The following PCDHGA8 variants were observed in gnomAD, a reference collection of about 807,000 sequenced individuals.
PCDHGA8 encodes the protein protocadherin gamma-A8.
PCDHGA8 carries 45 observed loss-of-function variants against 59.2 expected under a neutral mutation model. The observed-to-expected ratio is 0.76, with a 90% CI of 0.60 to 0.98. The LOEUF (loss-of-function observed/expected upper bound fraction) is 0.98. Among genes scored for constraint, PCDHGA8 ranks in the 50% least tolerant of loss-of-function variants. The pLI, the probability that PCDHGA8 is intolerant of heterozygous loss-of-function variation, is 0.00. For synonymous variants in PCDHGA8, 531 were observed against 519.0 expected, an observed-to-expected ratio of 1.02 and a Z score of -0.32; for missense variants, 1,257 against 1,196.2, an observed-to-expected ratio of 1.05 and a Z score of -0.75.
In PCDHGA8 at chr5:141,476,254, T is replaced by C; in HGVS notation, c.2425-18553T>C. 1.2e-6 allele frequency: 2 copies of C among 1,613,820 alleles called. No individual in the cohort carries two copies. Among genetic ancestry groups the C allele is most frequent in the Non-Finnish European group, 8.5e-7 (1 of 1,179,976 alleles). On this transcript the variant is annotated intron_variant, in intron 1 of 3. Transcript: ENST00000398604. The surrounding 1 kb of genome is among the most constrained non-coding windows in gnomAD (Gnocchi z 7.6). ...CGGAGGAAAGAGAGAAGGGTTTCGCTGTGGGCAACGTGGTCGCGAACCTTG... is the reference window on the plus strand; with the variant it reads ...CGGAGGAAAGAGAGAAGGGTTTCGCCGTGGGCAACGTGGTCGCGAACCTTG...
At chr5:141,450,006 C>CTTTTTT (rs1554136305) in intron 1 of PCDHGA8, among the ~76,000 whole-genome samples, 15 of 132,950 alleles carry the variant, frequency 1.1e-4, no homozygotes, top group African/African-American at 2.0e-4. Context: ...TGCCATGTCT[C>CTTTTTT]TTTTTTTTTT....
intron 1 of PCDHGA8, among the ~76,000 whole-genome samples, chr5:141,464,094 G>A (rs540562188): frequency 7.4e-4 from 112 of 151,988 alleles, no homozygotes; most frequent in Non-Finnish European, 1.1e-3. Context: ...GTGAAACTCC[G>A]TCTCTACTAA....
intron 1 of PCDHGA8, among the ~76,000 whole-genome samples, chr5:141,464,221 C>T (rs570804761): frequency 2.9e-4 from 44 of 149,624 alleles, no homozygotes; most frequent in African/African-American, 9.6e-4. Flanking sequence ...GCTGAGATTG[C>T]GCCACTGCAC....
chr5:141,424,184 C>A, intron 1 of PCDHGA8: 1 of 199,136 alleles, frequency 5.0e-6, no homozygotes, highest in Non-Finnish European at 9.9e-6. Context: ...TACACATGCA[C>A]ACACACTTAT....
rs61612330 is a variant in PCDHGA8, at chr5:141,454,796, A to ATTTTTTTTTTTTTTT, written c.2425-39996_2425-39982dup. 1.0e-3 allele frequency among the ~76,000 whole-genome samples: 80 copies of ATTTTTTTTTTTTTTT among 77,456 alleles called. 10 individuals are homozygous for ATTTTTTTTTTTTTTT. The highest frequency in any genetic ancestry group is 2.0e-3 in the East Asian group (5 of 2,512). The allele number at this position is 77,456 out of a possible 152,430, so 50.8% of individuals were successfully genotyped here. A position where few individuals can be genotyped will look rare whatever the true frequency, so the allele number is the denominator to read the frequency against. On this transcript the variant is annotated intron_variant, in intron 1 of 3. Transcript: ENST00000398604. ...AAGGAAATAATCCTCCATGGTTCTA[A>ATTTTTTTTTTTTTTT]TTTTTTTTTTTTTTTTTTTTTTTTT...
In PCDHGA8 at chr5:141,490,540, C is replaced by T; in HGVS notation, c.2425-4267C>T. The T allele has an allele frequency of 6.2e-7, 1 of 1,614,148 alleles. No homozygotes were observed. Among genetic ancestry groups the T allele is most frequent in the Non-Finnish European group, 8.5e-7 (1 of 1,180,024 alleles). ...GGCCAGCGATGCTGGTTCACCTTCC[C>T]TACACAAACATCTCACCATCAGGCT... On this transcript the variant is annotated intron_variant, in intron 1 of 3. Coordinates refer to ENST00000398604, the MANE Select transcript of PCDHGA8 (RefSeq NM_032088.2). This position sits in a 1 kb window ranked among gnomAD's most constrained non-coding sequence, Gnocchi z 5.4.
intron 1 of PCDHGA8, among the ~76,000 whole-genome samples, chr5:141,465,538 A>AT (rs2099105284): frequency 6.6e-6 from 1 of 152,112 alleles, no homozygotes; most frequent in Non-Finnish European, 1.5e-5. Context: ...TTTCCCAGGC[A>AT]TTTTTTCTGC....
intron 1 of PCDHGA8, chr5:141,400,082 C>A: frequency 1.2e-6 from 2 of 1,614,016 alleles, no homozygotes; most frequent in Non-Finnish European, 1.7e-6. Flanking sequence ...CCACTCTCCG[C>A]CACCGCCACG....
intron 1 of PCDHGA8, chr5:141,423,967 A>T (rs760284844): frequency 5.2e-6 from 6 of 1,153,616 alleles, no homozygotes; most frequent in Non-Finnish European, 6.5e-6. Context: ...TTTTTCTATT[A>T]TCAGTGTATG....
At chr5:141,398,375 A>C in intron 1 of PCDHGA8, 2 of 1,437,542 alleles carry the variant, frequency 1.4e-6, no homozygotes, top group East Asian at 4.7e-5. Flanking sequence ...GAGAGCGGGG[A>C]GTTGCTTGTG....
intron 1 of PCDHGA8, among the ~76,000 whole-genome samples, chr5:141,455,138 TTAAA>T (rs1193499111): frequency 1.3e-5 from 2 of 151,028 alleles, no homozygotes; most frequent in Admixed American, 1.3e-4. Context: ...TTACACTGTG[TTAAA>T]TAAATATTAG....
Position 141,490,140 on chromosome 5 carries a change from G to T in PCDHGA8, c.2425-4667G>T. On this transcript the variant is annotated intron_variant, in intron 1 of 3. Transcript: ENST00000398604. This position sits in a 1 kb window ranked among gnomAD's most constrained non-coding sequence, Gnocchi z 5.4. Reference sequence around the variant, plus strand: ...TCTTTGGCCTAGACCCTAGCAGTGGGGCAATCCATGTGTTGGGTCCCATAG... The same window carrying T: ...TCTTTGGCCTAGACCCTAGCAGTGGTGCAATCCATGTGTTGGGTCCCATAG... 1 of 1,614,206 alleles carries T rather than the reference G, an allele frequency of 6.2e-7. No homozygotes were observed. The highest frequency in any genetic ancestry group is 8.5e-7 in the Non-Finnish European group (1 of 1,180,026).
At chr5:141,419,276 CAA>C in intron 1 of PCDHGA8, 4 of 1,614,038 alleles carry the variant, frequency 2.5e-6, no homozygotes, top group Non-Finnish European at 3.4e-6. Flanking sequence ...CTCCATAGCG[CAA>C]GTCAGTGCCT....
intron 1 of PCDHGA8, among the ~76,000 whole-genome samples, chr5:141,448,629 C>T (rs1188418541): frequency 6.6e-6 from 1 of 152,060 alleles, no homozygotes; most frequent in Non-Finnish European, 1.5e-5. Flanking sequence ...CCTTTCTTCA[C>T]ATTATATCCT....
chr5:141,419,206 G>T, intron 1 of PCDHGA8: 1 of 1,613,876 alleles, frequency 6.2e-7, no homozygotes, highest in Non-Finnish European at 8.5e-7. Flanking sequence ...ATGACAACGC[G>T]CCGGTTTTCG....
At chr5:141,459,846 A>G (rs945742948) in intron 1 of PCDHGA8, among the ~76,000 whole-genome samples, 1 of 152,170 alleles carries the variant, frequency 6.6e-6, no homozygotes, top group Admixed American at 6.5e-5. Context: ...CTATTTGTAT[A>G]TCTTCTTGAA....
intron 1 of PCDHGA8, among the ~76,000 whole-genome samples, chr5:141,438,511 C>G (rs1436337566): frequency 6.8e-6 from 1 of 146,550 alleles, no homozygotes; most frequent in Non-Finnish European, 1.5e-5. Context: ...AGTGCAAAAC[C>G]AATTATTTTA....
Position 141,431,826 on chromosome 5 carries a change from TTCCCGAAAACTC to T in PCDHGA8, c.2424+36594_2424+36605del, listed in dbSNP as rs755346532. ...GTCCTCACCTCTCTCGCCAGCTCGGTTCCCGAAAACTCTCCCAGAGGGACATTAATTGCCCTT... is the reference window on the plus strand; with the variant it reads ...GTCCTCACCTCTCTCGCCAGCTCGGTTCCCAGAGGGACATTAATTGCCCTT... On this transcript the variant is annotated intron_variant, in intron 1 of 3. Transcript: ENST00000398604. The surrounding 1 kb of genome is among the most constrained non-coding windows in gnomAD (Gnocchi z 4.8). The T allele has an allele frequency of 4.3e-6, 7 of 1,614,102 alleles. No individual in the cohort carries two copies. Among genetic ancestry groups the T allele is most frequent in the Admixed American group, 1.7e-5 (1 of 60,006 alleles).
At chr5:141,474,524 C>G (rs1260642402) in intron 1 of PCDHGA8, among the ~76,000 whole-genome samples, 1 of 152,170 alleles carries the variant, frequency 6.6e-6, no homozygotes, top group Non-Finnish European at 1.5e-5. Flanking sequence ...GCTGGTCTGG[C>G]TAATTATCAA....
Sources: allele counts gnomAD v4.1 joint callset (sites outside exome capture counted in the v4.1 genomes callset), GRCh38; gene constraint gnomAD v4.1.1; non-coding constraint Gnocchi (gnomAD v3.1); transcripts MANE v1.5; gene names NCBI Gene and HGNC (gene_info 2026-07-23, HGNC 2026-07-21).